Variants in TMEM170B observed in about 807,000 individuals in gnomAD.
TMEM170B encodes transmembrane protein 170B.
TMEM170B carries 6 observed loss-of-function variants against 13.0 expected under a neutral mutation model. The ratio of observed to expected loss-of-function variants is 0.46; its 90% CI spans 0.25 to 0.91. The LOEUF is 0.91. Among genes scored for constraint, TMEM170B ranks in the 40% least tolerant of loss-of-function variants. The pLI is 0.17. For missense variants in TMEM170B, 138 were observed against 165.2 expected (o/e 0.84, Z 0.90); for synonymous variants, 61 against 64.9 (o/e 0.94, Z 0.29).
At chr6:11,565,941 G>C in intron 2 of TMEM170B, 105 bp downstream of exon 2, 1 of 1,099,432 alleles carries the variant, frequency 9.1e-7, no homozygotes, top group Non-Finnish European at 1.4e-6. Flanking sequence ...CTTTTATGTA[G>C]ATTATTTTTC....
At chr6:11,546,938 C>A (rs941192523) in intron 1 of TMEM170B, among the ~76,000 whole-genome samples, 17 of 152,270 alleles carry the variant, frequency 1.1e-4, no homozygotes, top group African/African-American at 4.1e-4. Flanking sequence ...AACTTAGGCA[C>A]AGTCAGAGAT....
chr6:11,576,439 G>C lies in TMEM170B; in HGVS notation c.*878G>C, dbSNP rs188578110. 3 of 152,242 alleles carry C rather than the reference G, an allele frequency of 2.0e-5. No homozygotes were observed. In the East Asian group the frequency reaches 5.8e-4, roughly 29 times the overall value. The allele number at this position is 152,242 out of a possible 1,614,324, so 9.4% of individuals were successfully genotyped here. ...TGTTGCATTCTTTGACCCTTCTAAAGAAAGTTTTTGCCTTGTATCTCATGG... is the reference window on the plus strand; with the variant it reads ...TGTTGCATTCTTTGACCCTTCTAAACAAAGTTTTTGCCTTGTATCTCATGG... On this transcript the variant is annotated 3_prime_UTR_variant, in exon 3 of 3. Transcript: ENST00000379426.
At chr6:11,557,899 C>G (rs527966556) in intron 1 of TMEM170B, among the ~76,000 whole-genome samples, 14 of 152,214 alleles carry the variant, frequency 9.2e-5, no homozygotes, top group Admixed American at 5.9e-4. Context: ...ATTATTTATT[C>G]ATTTATTATC....
chr6:11,580,581 ATTTCT>A lies in TMEM170B; in HGVS notation c.*5024_*5028del, dbSNP rs1224524666. On this transcript the variant is annotated 3_prime_UTR_variant, in exon 3 of 3. Transcript: ENST00000379426. ...TTTTTGGGTAACTGGGTAAATTACT[ATTTCT>A]TTTAATAATCGGGTGAAACTCTGAA... 1 of 152,176 alleles carries A rather than the reference ATTTCT, an allele frequency of 6.6e-6. No homozygotes were observed. The highest frequency in any genetic ancestry group is 1.5e-5 in the Non-Finnish European group (1 of 68,028). The allele number at this position is 152,176 out of a possible 1,614,324, so 9.4% of individuals were successfully genotyped here.
At chr6:11,563,382 G>GT (rs762946433) in intron 1 of TMEM170B, among the ~76,000 whole-genome samples, 2 of 151,968 alleles carry the variant, frequency 1.3e-5, no homozygotes, top group East Asian at 1.9e-4. Flanking sequence ...GTGATGTGTG[G>GT]TTTTTTTCCC....
At position 11,580,864 on chromosome 6, in the gene TMEM170B, A is replaced by G. The variant is rs1287709247; in HGVS notation, c.*5303A>G. On this transcript the variant is annotated 3_prime_UTR_variant, in exon 3 of 3. Transcript: ENST00000379426. The stretch of plus-strand genomic sequence containing the variant: ...ATGTTTACACATGCTGTGTTTCTTT[A>G]TATGTGAGGCTTCACTGACCACCGT... 1 of 152,104 alleles carries G rather than the reference A, an allele frequency of 6.6e-6. No individual in the cohort carries two copies. The highest frequency in any genetic ancestry group is 1.5e-5 in the Non-Finnish European group (1 of 68,028). 9.4% of individuals were successfully genotyped at this position (152,104 alleles called of 1,614,324 possible). A position where few individuals can be genotyped will look rare whatever the true frequency, so the allele number is the denominator to read the frequency against.
intron 1 of TMEM170B, among the ~76,000 whole-genome samples, chr6:11,547,119 G>A (rs1561907339): frequency 6.6e-6 from 1 of 152,132 alleles, no homozygotes; most frequent in Non-Finnish European, 1.5e-5. Context: ...TGTATATTTA[G>A]GATATGTATA....
At chr6:11,538,413 C>T in intron 1 of TMEM170B, 39 bp downstream of exon 1, 1 of 1,408,974 alleles carries the variant, frequency 7.1e-7, no homozygotes, top group Non-Finnish European at 9.5e-7. Flanking sequence ...GGATGCGGTC[C>T]GCCCCTCTCC....
chr6:11,556,793 C>G (rs1186506755), intron 1 of TMEM170B, among the ~76,000 whole-genome samples: 1 of 152,128 alleles, frequency 6.6e-6, no homozygotes, highest in African/African-American at 2.4e-5. Flanking sequence ...TAGAGCTTTG[C>G]CTGTCCCTTT....
intron 1 of TMEM170B, among the ~76,000 whole-genome samples, chr6:11,546,193 G>C (rs1025524973): frequency 2.6e-5 from 4 of 152,068 alleles, no homozygotes; most frequent in Middle Eastern, 3.4e-3. Context: ...TGATGATCCT[G>C]ACCCTGTGTA....
intron 1 of TMEM170B, among the ~76,000 whole-genome samples, chr6:11,556,930 G>A (rs1192689682): frequency 6.6e-6 from 1 of 152,178 alleles, no homozygotes; most frequent in Non-Finnish European, 1.5e-5. Context: ...TACCACCAGT[G>A]GTGGCTCTCT....
chr6:11,563,048 C>G (rs1055430141), intron 1 of TMEM170B, among the ~76,000 whole-genome samples: 1 of 152,100 alleles, frequency 6.6e-6, no homozygotes, highest in African/African-American at 2.4e-5. Context: ...GAAGCATACT[C>G]GCTGTTGACT....
At chr6:11,574,129 G>A (rs685384) in intron 2 of TMEM170B, among the ~76,000 whole-genome samples, 32,097 of 152,124 alleles carry the variant, frequency 0.21, 4,078 homozygotes, top group South Asian at 0.45. Context: ...CCTGGGGCTA[G>A]TAACTGAACC....
chr6:11,544,183 A>G (rs1759399482), intron 1 of TMEM170B, among the ~76,000 whole-genome samples: 1 of 152,190 alleles, frequency 6.6e-6, no homozygotes, highest in African/African-American at 2.4e-5. Context: ...AATAAATATT[A>G]CGGTACAGGT....
chr6:11,547,428 A>T (rs1205511688), intron 1 of TMEM170B, among the ~76,000 whole-genome samples: 1 of 152,132 alleles, frequency 6.6e-6, no homozygotes, highest in Non-Finnish European at 1.5e-5. Context: ...AATTACTTCA[A>T]ATGTCTACTT....
chr6:11,556,378 C>G (rs1000632098), intron 1 of TMEM170B, among the ~76,000 whole-genome samples: 7 of 152,098 alleles, frequency 4.6e-5, no homozygotes, highest in Non-Finnish European at 8.8e-5. Context: ...CTCTGTACTG[C>G]AGGGTTATTC....
chr6:11,552,655 A>C (rs989945981), intron 1 of TMEM170B, among the ~76,000 whole-genome samples: 2 of 152,198 alleles, frequency 1.3e-5, no homozygotes, highest in African/African-American at 4.8e-5. Flanking sequence ...GGGAAAAGCT[A>C]TACATATTTA....
chr6:11,546,277 T>C (rs1268714350), intron 1 of TMEM170B, among the ~76,000 whole-genome samples: 1 of 152,052 alleles, frequency 6.6e-6, no homozygotes, highest in African/African-American at 2.4e-5. Context: ...AGAAAAAGTT[T>C]ATAAAATTAA....
chr6:11,546,989 G>A (rs1244018769), intron 1 of TMEM170B, among the ~76,000 whole-genome samples: 1 of 152,184 alleles, frequency 6.6e-6, no homozygotes, highest in Admixed American at 6.5e-5. Flanking sequence ...TATGAATGCG[G>A]TCTCTCGCTC....
Sources: allele counts gnomAD v4.1 joint callset (sites outside exome capture counted in the v4.1 genomes callset), GRCh38; gene constraint gnomAD v4.1.1; transcripts MANE v1.5; gene names NCBI Gene and HGNC (gene_info 2026-07-23, HGNC 2026-07-21).